NXPE2: variants seen among roughly 807,000 people sequenced by gnomAD.
NXPE2 encodes the protein NXPE family member 2.
In NXPE2, 34 loss-of-function variants were observed where a neutral mutation model predicts 34.4. The ratio of observed to expected loss-of-function variants is 0.99; its 90% CI spans 0.75 to 1.31. The LOEUF (loss-of-function observed/expected upper bound fraction) is 1.31, where lower values mean the gene tolerates loss of function less well. NXPE2 is among the 40% of genes most tolerant of loss of function. NXPE2 has a pLI of 0.00. For missense variants in NXPE2, 649 were observed against 672.5 expected (o/e 0.97, Z 0.39); for synonymous variants, 235 against 231.3 (o/e 1.02, Z -0.15).
At chr11:114,715,230 A>C in the NXPE2 span, among the ~76,000 whole-genome samples, 3 of 152,228 alleles carry the variant, frequency 2.0e-5, no homozygotes, top group Non-Finnish European at 4.4e-5. Context: ...CACTACTTAA[A>C]GTTTCATCAA....
downstream of NXPE2, among the ~76,000 whole-genome samples, chr11:114,711,536 A>C (rs914357629): frequency 1.3e-5 from 2 of 152,198 alleles, no homozygotes; most frequent in Non-Finnish European, 2.9e-5. Context: ...CAAAAAGGAT[A>C]AAATAGCTAG....
At chr11:114,556,320 A>G in the NXPE2 span, among the ~76,000 whole-genome samples, 1 of 152,206 alleles carries the variant, frequency 6.6e-6, no homozygotes, top group African/African-American at 2.4e-5. Context: ...TCAGTGAGCA[A>G]CAGATTAAAT....
the NXPE2 span, among the ~76,000 whole-genome samples, chr11:114,541,804 C>T: frequency 1.3e-5 from 2 of 152,070 alleles, no homozygotes; most frequent in Admixed American, 6.5e-5. Flanking sequence ...TCAGAAAGAA[C>T]CAAACAAATT....
downstream of NXPE2, among the ~76,000 whole-genome samples, chr11:114,709,921 A>G (rs559751872): frequency 1.1e-3 from 164 of 152,240 alleles, no homozygotes; most frequent in Non-Finnish European, 1.7e-3. Flanking sequence ...AAAAGAAAAA[A>G]AAAAAGAAAT....
chr11:114,743,978 T>G, the NXPE2 span, among the ~76,000 whole-genome samples: 1 of 152,002 alleles, frequency 6.6e-6, no homozygotes, highest in Admixed American at 6.6e-5. Flanking sequence ...TTACCAAAGC[T>G]AGGAAAAGGT....
At chr11:114,511,166 T>C in the NXPE2 span, among the ~76,000 whole-genome samples, 2 of 151,888 alleles carry the variant, frequency 1.3e-5, no homozygotes, top group African/African-American at 4.8e-5. Context: ...CTGGAAAAAA[T>C]ATATGAATTT....
the NXPE2 span, among the ~76,000 whole-genome samples, chr11:114,746,427 G>C: frequency 6.6e-6 from 1 of 152,192 alleles, no homozygotes; most frequent in Non-Finnish European, 1.5e-5. Context: ...CAAATCCAGA[G>C]AGATAAATCA....
the NXPE2 span, among the ~76,000 whole-genome samples, chr11:114,790,585 T>C: frequency 8.7e-4 from 133 of 152,298 alleles, no homozygotes; most frequent in Non-Finnish European, 1.4e-3. Flanking sequence ...GAATTTGACA[T>C]GTCTGTCCAT....
chr11:114,619,111 A>T, the NXPE2 span, among the ~76,000 whole-genome samples: 1 of 151,972 alleles, frequency 6.6e-6, no homozygotes, highest in African/African-American at 2.4e-5. Flanking sequence ...CACTGTGGAT[A>T]ATAAGTGTTG....
the NXPE2 span, among the ~76,000 whole-genome samples, chr11:114,672,396 TAAATC>T: frequency 0.18 from 26,644 of 151,320 alleles, 2,840 homozygotes; most frequent in East Asian, 0.35. Flanking sequence ...TAATGCAAAA[TAAATC>T]AGTAAAGGAA....
At chr11:114,573,791 T>C in the NXPE2 span, among the ~76,000 whole-genome samples, 1 of 152,056 alleles carries the variant, frequency 6.6e-6, no homozygotes, top group African/African-American at 2.4e-5. Flanking sequence ...CTGACAGCGC[T>C]AGACTGGTCA....
chr11:114,802,101 T>A, the NXPE2 span, among the ~76,000 whole-genome samples: 1 of 152,186 alleles, frequency 6.6e-6, no homozygotes, highest in South Asian at 2.1e-4. Flanking sequence ...ATGCCAAGAT[T>A]TAAACGTCAT....
the NXPE2 span, among the ~76,000 whole-genome samples, chr11:114,635,290 G>C: frequency 2.0e-5 from 3 of 149,462 alleles, no homozygotes; most frequent in Non-Finnish European, 3.0e-5. Flanking sequence ...TATAAGAATG[G>C]TTGTGATTTT....
the NXPE2 span, chr11:114,522,306 T>G: frequency 6.2e-7 from 1 of 1,614,090 alleles, no homozygotes. Flanking sequence ...CCAAAGGTGA[T>G]GACGATGGCT....
the NXPE2 span, among the ~76,000 whole-genome samples, chr11:114,534,210 C>A: frequency 9.2e-5 from 14 of 152,294 alleles, no homozygotes; most frequent in Middle Eastern, 6.8e-3. Flanking sequence ...TCCAACAGAC[C>A]TGCAGCTGAG....
At chr11:114,675,916 A>C (rs1452810884), upstream of NXPE2, among the ~76,000 whole-genome samples, 2 of 151,958 alleles carry the variant, frequency 1.3e-5, no homozygotes, top group Non-Finnish European at 2.9e-5. Flanking sequence ...GAAGAATGGA[A>C]CCAAATAGAG....
At chr11:114,720,534 C>T in the NXPE2 span, among the ~76,000 whole-genome samples, 7 of 152,180 alleles carry the variant, frequency 4.6e-5, no homozygotes, top group African/African-American at 1.2e-4. Context: ...AATTCAGTAG[C>T]CACTTGCCAT....
the NXPE2 span, among the ~76,000 whole-genome samples, chr11:114,773,814 G>C: frequency 6.6e-6 from 1 of 152,230 alleles, no homozygotes; most frequent in Non-Finnish European, 1.5e-5. Flanking sequence ...GCCTGACTGA[G>C]TTTAGACATC....
chr11:114,645,717 A>G, the NXPE2 span, among the ~76,000 whole-genome samples: 1 of 152,176 alleles, frequency 6.6e-6, no homozygotes, highest in South Asian at 2.1e-4. Context: ...ACATGAATAA[A>G]GAATTCATAT....
Sources: allele counts gnomAD v4.1 joint callset (sites outside exome capture counted in the v4.1 genomes callset), GRCh38; gene constraint gnomAD v4.1.1; transcripts MANE v1.5; gene names NCBI Gene and HGNC (gene_info 2026-07-23, HGNC 2026-07-21).